Variants in NTRK2 observed in about 807,000 individuals in gnomAD.
NTRK2 encodes the protein BDNF/NT-3 growth factors receptor.
In NTRK2, 13 loss-of-function variants were observed where a neutral mutation model predicts 94.5. The ratio of observed to expected loss-of-function variants is 0.14; its 90% CI spans 0.09 to 0.22. The LOEUF is 0.22. Among genes scored for constraint, NTRK2 ranks in the 10% least tolerant of loss-of-function variants. NTRK2 has a pLI of 1.00. For synonymous variants in NTRK2, 372 were observed against 407.4 expected (o/e 0.91, Z 1.05); for missense variants, 639 against 1,071.2 (o/e 0.60, Z 5.63).
Position 84,723,712 on chromosome 9 carries a change from A to G in NTRK2, c.720+3A>G, listed in dbSNP as rs111228443. On this transcript the variant is annotated splice_donor_region_variant and intron_variant, in intron 7 of 18. Transcript: ENST00000277120. ...GTAACCTGGTTTCCAAACATATGGT[A>G]AGGCTTGTGTTTGGCTGTGTCTTAA... 6.2e-7 allele frequency: 1 copy of G among 1,613,958 alleles called. No homozygotes were observed. Among genetic ancestry groups the G allele is most frequent in the African/African-American group, 1.3e-5 (1 of 74,916 alleles).
At chr9:84,925,515 T>G (rs11999228) in intron 14 of NTRK2, among the ~76,000 whole-genome samples, 11,476 of 152,174 alleles carry the variant, frequency 0.075, 834 homozygotes, top group African/African-American at 0.19. Flanking sequence ...TTCATCTTGT[T>G]TTCTGTCTTT....
chr9:84,856,079 A>G (rs1433321519), intron 12 of NTRK2, among the ~76,000 whole-genome samples: 2 of 152,230 alleles, frequency 1.3e-5, no homozygotes, highest in African/African-American at 2.4e-5. Flanking sequence ...AGGTTCAGCC[A>G]AATACACACA....
intron 13 of NTRK2, among the ~76,000 whole-genome samples, chr9:84,862,301 G>T (rs2075373356): frequency 6.6e-6 from 1 of 152,166 alleles, no homozygotes; most frequent in African/African-American, 2.4e-5. Context: ...CAGTCTTAAA[G>T]GTGTTCTGTT....
chr9:84,878,019 A>G, intron 14 of NTRK2: 3 of 895,176 alleles, frequency 3.4e-6, no homozygotes, highest in Non-Finnish European at 4.0e-6. Flanking sequence ...AGTTGTCCGC[A>G]TTGGTTCCCC....
Position 84,867,271 on chromosome 9 carries a change from T to C in NTRK2, c.1473T>C (p.Asp491=), listed in dbSNP as rs754192406. The change falls in exon 14 of 19, where the codon GAT becomes GAC. Residue 491 remains aspartate, a synonymous_variant. Coordinates refer to ENST00000277120, the MANE Select transcript of NTRK2 (RefSeq NM_006180.6). ...CAGCCTCCGTTATCAGCAATGATGA[T>C]GACTCTGCCAGCCCACTCCATCACA... The part of the protein sequence containing the change: ...VGPASVISND[D]DSASPLHHIS... The C allele has an allele frequency of 2.5e-5, 41 of 1,614,110 alleles. 1 individual carries two copies. The East Asian group carries it at 8.9e-4, about 35-fold the overall frequency.
At chr9:85,002,831 G>A (rs1564540906) in intron 17 of NTRK2, among the ~76,000 whole-genome samples, 1 of 152,170 alleles carries the variant, frequency 6.6e-6, no homozygotes, top group Admixed American at 6.5e-5. Flanking sequence ...ATCTCACCAT[G>A]TCTTGACCAT....
At chr9:84,971,260 G>A (rs1826150496) in intron 17 of NTRK2, among the ~76,000 whole-genome samples, 1 of 152,158 alleles carries the variant, frequency 6.6e-6, no homozygotes, top group South Asian at 2.1e-4. Flanking sequence ...GGCACTAGAG[G>A]GAAAAAGTGA....
intron 17 of NTRK2, among the ~76,000 whole-genome samples, chr9:84,958,022 A>G (rs750314448): frequency 4.6e-5 from 7 of 152,240 alleles, no homozygotes; most frequent in Admixed American, 2.0e-4. Context: ...TTCCATTTAT[A>G]TGAAATGTCC....
intron 15 of NTRK2, 108 bp downstream of exon 15, chr9:84,934,400 T>G (rs2078143987): frequency 8.6e-7 from 1 of 1,159,424 alleles, no homozygotes; most frequent in East Asian, 2.5e-5. Flanking sequence ...AAATTGTTCC[T>G]GCTATGATGG....
At chr9:84,709,447 T>C (rs1018669787) in intron 5 of NTRK2, among the ~76,000 whole-genome samples, 1 of 152,186 alleles carries the variant, frequency 6.6e-6, no homozygotes, top group Non-Finnish European at 1.5e-5. Context: ...TTCTATTCCA[T>C]ATCTCATAAC....
chr9:85,018,809 A>G (rs1316205985), intron 17 of NTRK2, among the ~76,000 whole-genome samples: 4 of 152,198 alleles, frequency 2.6e-5, no homozygotes, highest in African/African-American at 9.6e-5. Context: ...GTCTCTGTCC[A>G]TTGAACACTG....
chr9:84,937,137 A>G (rs1015169189), intron 15 of NTRK2, among the ~76,000 whole-genome samples: 3 of 152,202 alleles, frequency 2.0e-5, no homozygotes, highest in African/African-American at 7.2e-5. Context: ...GAAAATGTCT[A>G]TAGTTCAGCC....
chr9:85,000,359 T>C (rs868635372), intron 17 of NTRK2, among the ~76,000 whole-genome samples: 1 of 152,120 alleles, frequency 6.6e-6, no homozygotes, highest in African/African-American at 2.4e-5. Context: ...CACAGAATAG[T>C]TTCACTGCCC....
chr9:84,755,525 C>CTTTTTTT (rs745611460), intron 12 of NTRK2, among the ~76,000 whole-genome samples: 38 of 60,650 alleles, frequency 6.3e-4, no homozygotes, highest in East Asian at 3.0e-3. Context: ...AGTCCCACCT[C>CTTTTTTT]TTTTTTTTTT....
At chr9:84,735,347 G>A (rs145924928) in intron 9 of NTRK2, among the ~76,000 whole-genome samples, 153 of 152,270 alleles carry the variant, frequency 1.0e-3, no homozygotes, top group African/African-American at 3.5e-3. Context: ...TGAAGATTAT[G>A]ATTCAATGGA....
At chr9:84,685,998 C>T (rs546723146) in intron 2 of NTRK2, among the ~76,000 whole-genome samples, 4 of 152,332 alleles carry the variant, frequency 2.6e-5, no homozygotes, top group Non-Finnish European at 5.9e-5. Context: ...CAAATACACA[C>T]GGATATGCAC....
chr9:84,911,624 G>A (rs1396238116), intron 14 of NTRK2, among the ~76,000 whole-genome samples: 1 of 152,094 alleles, frequency 6.6e-6, no homozygotes, highest in East Asian at 1.9e-4. Flanking sequence ...TATTCTTGAT[G>A]TTGGTCATTT....
chr9:84,787,328 A>G (rs550346526), intron 12 of NTRK2, among the ~76,000 whole-genome samples: 2 of 152,132 alleles, frequency 1.3e-5, no homozygotes, highest in South Asian at 4.2e-4. Flanking sequence ...CAAAACAAAC[A>G]AACAAACAAA....
At position 85,023,855 on chromosome 9, in the gene NTRK2, ATTTAT is replaced by A. The variant is rs1013204001; in HGVS notation, c.*2428_*2432del. 2.6e-5 allele frequency: 6 copies of A among 229,100 alleles called. No individual in the cohort carries two copies. Among genetic ancestry groups the A allele is most frequent in the African/African-American group, 1.3e-4 (6 of 45,088 alleles). 14.2% of individuals were successfully genotyped at this position (229,100 alleles called of 1,614,324 possible). ...AATCTCGGGGGAAAAGCTACAAGTT[ATTTAT>A]TTTATTTTAAGAGAATAAAGTAGGT... On this transcript the variant is annotated 3_prime_UTR_variant, in exon 19 of 19. Coordinates refer to ENST00000277120, the MANE Select transcript of NTRK2 (RefSeq NM_006180.6).
Sources: allele counts gnomAD v4.1 joint callset (sites outside exome capture counted in the v4.1 genomes callset), GRCh38; gene constraint gnomAD v4.1.1; transcripts MANE v1.5; gene names NCBI Gene and HGNC (gene_info 2026-07-23, HGNC 2026-07-21).